The following HSD17B2 variants were observed in gnomAD, a reference collection of about 807,000 sequenced individuals.
The protein encoded by HSD17B2 is hydroxysteroid 17-beta dehydrogenase 2.
In HSD17B2, 32 loss-of-function variants were observed where a neutral mutation model predicts 26.9. The observed-to-expected ratio is 1.19, with a 90% CI of 0.90 to 1.60. HSD17B2 has a LOEUF of 1.60. HSD17B2 is among the 40% of genes most tolerant of loss of function. The pLI is 0.00. For missense variants in HSD17B2, 613 were observed against 468.6 expected, an observed-to-expected ratio of 1.31 and a Z score of -2.85; for synonymous variants, 246 against 186.7, an observed-to-expected ratio of 1.32 and a Z score of -2.59.
At chr16:82,049,384 C>T (rs966640527) in intron 1 of HSD17B2, among the ~76,000 whole-genome samples, 6 of 152,178 alleles carry the variant, frequency 3.9e-5, no homozygotes, top group Admixed American at 6.5e-5. Flanking sequence ...TCCTAGATGA[C>T]GGGTCATGTC....
At chr16:82,073,656 G>T (rs1914748997) in intron 3 of HSD17B2, among the ~76,000 whole-genome samples, 1 of 152,098 alleles carries the variant, frequency 6.6e-6, no homozygotes, top group Non-Finnish European at 1.5e-5. Flanking sequence ...GGAGGTGAAA[G>T]ATCTCCACAA....
intron 1 of HSD17B2, among the ~76,000 whole-genome samples, chr16:82,054,949 G>A (rs182852092): frequency 3.3e-5 from 5 of 152,190 alleles, no homozygotes; most frequent in East Asian, 1.9e-4. Context: ...TCTCAACCTC[G>A]GCTCTCTTAA....
rs760355299 is a variant in HSD17B2 at position 82,098,461 on chromosome 16, G to A, written c.*25G>A. 4.0e-5 allele frequency: 62 copies of A among 1,560,226 alleles called. 1 individual carries two copies. Among genetic ancestry groups the A allele is most frequent in the South Asian group, 3.5e-4 (29 of 81,718 alleles). On this transcript the variant is annotated 3_prime_UTR_variant, in exon 5 of 5. Coordinates refer to ENST00000199936, the MANE Select transcript of HSD17B2 (RefSeq NM_002153.3). Reference sequence around the variant, plus strand: ...GGCAATGGAAGCCCTCAAAGAAGTCGGAATGTCATAGTCTTGAAATGAAAG... The same window carrying A: ...GGCAATGGAAGCCCTCAAAGAAGTCAGAATGTCATAGTCTTGAAATGAAAG...
intron 1 of HSD17B2, among the ~76,000 whole-genome samples, chr16:82,065,502 T>C (rs1292404653): frequency 6.6e-6 from 1 of 152,230 alleles, no homozygotes; most frequent in Admixed American, 6.5e-5. Flanking sequence ...TATATCTAGC[T>C]GTGCCAATAA....
intron 3 of HSD17B2, among the ~76,000 whole-genome samples, chr16:82,084,545 C>A (rs1011348367): frequency 1.4e-5 from 2 of 145,788 alleles, no homozygotes; most frequent in Admixed American, 6.8e-5. Context: ...TCAAACTGTT[C>A]TTTTTATTAT....
intron 4 of HSD17B2, chr16:82,097,252 GTC>G (rs367591250): frequency 0.011 from 1,566 of 144,142 alleles, 6 homozygotes; most frequent in Non-Finnish European, 0.014. Context: ...CTATGTCTAT[GTC>G]TATGTCTATG....
rs1217060717 is a variant in HSD17B2 at position 82,052,401 on chromosome 16, C to G, written c.266-15769C>G. The G allele has an allele frequency of 2.6e-5, 4 of 152,232 alleles. 1 individual carries two copies. In the South Asian group the frequency reaches 8.3e-4, roughly 31 times the overall value. 9.4% of individuals were successfully genotyped at this position (152,232 alleles called of 1,614,324 possible). On this transcript the variant is annotated intron_variant, in intron 1 of 4. Transcript: ENST00000199936. ...AGGGAACTGAGTATGGGCAGCTGTT[C>G]CTCCTTGGTCAGAGCAAGCGAACTG...
chr16:82,045,094 G>T (rs7205168), intron 1 of HSD17B2, among the ~76,000 whole-genome samples: 14,009 of 135,330 alleles, frequency 0.1, 2,179 homozygotes, highest in African/African-American at 0.35. Flanking sequence ...CCGCACTCCA[G>T]CTTGGGTGAC....
rs187703976 is a variant in HSD17B2 at position 82,065,755 on chromosome 16, G to A, written c.266-2415G>A. On this transcript the variant is annotated intron_variant, in intron 1 of 4. Coordinates refer to ENST00000199936, the MANE Select transcript of HSD17B2 (RefSeq NM_002153.3). ...ACACAGATGAAGGAGAAGGTGGCTGGTCCAGTACGACAGTGACTCATGAAC... is the reference window on the plus strand; with the variant it reads ...ACACAGATGAAGGAGAAGGTGGCTGATCCAGTACGACAGTGACTCATGAAC... Among the ~76,000 whole-genome samples, 801 of 152,316 alleles carry A rather than the reference G, an allele frequency of 5.3e-3. 5 individuals are homozygous for A. Among genetic ancestry groups the A allele is most frequent in the African/African-American group, 0.017 (716 of 41,578 alleles).
chr16:82,041,904 T>G (rs1913775772), intron 1 of HSD17B2, among the ~76,000 whole-genome samples: 1 of 152,220 alleles, frequency 6.6e-6, no homozygotes, highest in African/African-American at 2.4e-5. Context: ...CTGACTCATA[T>G]TTCCAGAATT....
At chr16:82,059,647 T>C (rs1299061600) in intron 1 of HSD17B2, among the ~76,000 whole-genome samples, 2 of 152,110 alleles carry the variant, frequency 1.3e-5, no homozygotes, top group East Asian at 1.9e-4. Flanking sequence ...CACAATGATA[T>C]CTGAATGAAT....
At chr16:82,095,835 T>C (rs1369715841) in intron 4 of HSD17B2, 1 of 152,210 alleles carries the variant, frequency 6.6e-6, no homozygotes, top group East Asian at 1.9e-4. Flanking sequence ...ATGATCCTTT[T>C]TGTTTTTGTT....
In HSD17B2 at chr16:82,038,152, C is replaced by CT. The variant is rs1050882916; in HGVS notation, c.265+2469dup. 3.9e-5 allele frequency among the ~76,000 whole-genome samples: 6 copies of CT among 152,202 alleles called. No homozygotes were observed. The East Asian group carries it at 7.7e-4, about 20-fold the overall frequency. On this transcript the variant is annotated intron_variant, in intron 1 of 4. Coordinates refer to ENST00000199936, the MANE Select transcript of HSD17B2 (RefSeq NM_002153.3). Reference sequence around the variant, plus strand: ...TACAAAGACAAATTTAAAAAAATGACTTTTTTCTCCCCTTTGAGCCCTTTA... The same window carrying CT: ...TACAAAGACAAATTTAAAAAAATGACTTTTTTTCTCCCCTTTGAGCCCTTTA...
Position 82,069,406 on chromosome 16 carries a change from T to C in HSD17B2, c.478+1024T>C, listed in dbSNP as rs949581564. On this transcript the variant is annotated intron_variant, in intron 2 of 4. Transcript: ENST00000199936. ...GAATGTATCTTTGTAATAGAATGGT[T>C]TATATTCCTTTGGATGTATACCCGG... Among the ~76,000 whole-genome samples, 44 of 152,198 alleles carry C rather than the reference T, an allele frequency of 2.9e-4. 1 individual carries two copies. Among genetic ancestry groups the C allele is most frequent in the Non-Finnish European group, 7.3e-5 (5 of 68,042 alleles).
At chr16:82,045,408 C>A (rs1246161739) in intron 1 of HSD17B2, among the ~76,000 whole-genome samples, 1 of 152,190 alleles carries the variant, frequency 6.6e-6, no homozygotes, top group Admixed American at 6.5e-5. Flanking sequence ...TAATTTTTCT[C>A]ACATATAAAG....
At position 82,044,609 on chromosome 16, in the gene HSD17B2, C is replaced by T. The variant is rs1913863438; in HGVS notation, c.265+8920C>T. ...TCCGAGTTGTCATTTGGTTCTCCTG[C>T]TAGAGAGAGAAAAGACCTTTGCACC... On this transcript the variant is annotated intron_variant, in intron 1 of 4. Coordinates refer to ENST00000199936, the MANE Select transcript of HSD17B2 (RefSeq NM_002153.3). 3 of 152,232 alleles carry T rather than the reference C, an allele frequency of 2.0e-5. No homozygotes were observed. In the South Asian group the frequency reaches 6.2e-4, roughly 32 times the overall value. The allele number at this position is 152,232 out of a possible 1,614,324, so 9.4% of individuals were successfully genotyped here.
In HSD17B2 at chr16:82,090,896, C is replaced by T. The variant is rs1265794676; in HGVS notation, c.665-6C>T. The T allele has an allele frequency of 2.5e-6, 4 of 1,604,580 alleles. No homozygotes were observed. In the African/African-American group the frequency reaches 4.0e-5, roughly 16 times the overall value. On this transcript the variant is annotated splice_polypyrimidine_tract_variant and splice_region_variant and intron_variant, in intron 3 of 4. Transcript: ENST00000199936. Reference sequence around the variant, plus strand: ...TTTGCTTCTTTTTCTCCCATTATTCCCATAGGAGGGGCCCCAATGGAAAGG... The same window carrying T: ...TTTGCTTCTTTTTCTCCCATTATTCTCATAGGAGGGGCCCCAATGGAAAGG...
chr16:82,056,439 A>C (rs1053525439), intron 1 of HSD17B2: 2 of 152,238 alleles, frequency 1.3e-5, no homozygotes, highest in Non-Finnish European at 2.9e-5. Flanking sequence ...ACAGGAAAAC[A>C]TAGGAGAATG....
At chr16:82,068,014 C>T (rs926223341) in intron 1 of HSD17B2, among the ~76,000 whole-genome samples, 156 bp from the exon 2 acceptor site, 6 of 152,156 alleles carry the variant, frequency 3.9e-5, no homozygotes, top group African/African-American at 1.2e-4. Flanking sequence ...GCTTCTCCTC[C>T]CACCTCTCCA....
Sources: gnomAD v4.1 joint callset for allele counts (sites outside exome capture counted in the v4.1 genomes callset) on GRCh38, gnomAD v4.1.1 for gene constraint, MANE v1.5 for transcripts, NCBI Gene and HGNC (gene_info 2026-07-23, HGNC 2026-07-21) for gene names.